Variants in RSRC1 observed in about 807,000 individuals in gnomAD.
The protein encoded by RSRC1 is arginine and serine rich coiled-coil 1, also known as serine/Arginine-related protein 53.
In RSRC1, 39 loss-of-function variants were observed where a neutral mutation model predicts 49.1. That is an observed-to-expected ratio of 0.79 (90% CI 0.61 to 1.04). The LOEUF is 1.04. Among genes scored for constraint, RSRC1 ranks in the 50% least tolerant of loss-of-function variants. The pLI, the probability that RSRC1 is intolerant of heterozygous loss-of-function variation, is 0.00. For missense variants in RSRC1, 388 were observed against 402.4 expected, an observed-to-expected ratio of 0.96 and a Z score of 0.31; for synonymous variants, 143 against 130.8, an observed-to-expected ratio of 1.09 and a Z score of -0.63.
At chr3:158,245,521 G>A (rs2108002335) in intron 4 of RSRC1, among the ~76,000 whole-genome samples, 1 of 152,260 alleles carries the variant, frequency 6.6e-6, no homozygotes, top group African/African-American at 2.4e-5. Flanking sequence ...GAGTTCTATG[G>A]ATACCTATCA....
intron 3 of RSRC1, chr3:158,132,172 G>A (rs766120455): frequency 7.0e-5 from 31 of 443,150 alleles, no homozygotes; most frequent in South Asian, 4.8e-4. Flanking sequence ...TTTTGGCGGA[G>A]ATGGGGTTTC....
chr3:158,406,866 T>C (rs2108315890), intron 6 of RSRC1, among the ~76,000 whole-genome samples: 1 of 152,230 alleles, frequency 6.6e-6, no homozygotes, highest in East Asian at 1.9e-4. Context: ...TCAGCAGTGA[T>C]GTAATTAAAG....
chr3:158,227,445 C>T (rs533548443), intron 4 of RSRC1, among the ~76,000 whole-genome samples: 8 of 151,752 alleles, frequency 5.3e-5, no homozygotes, highest in Non-Finnish European at 1.0e-4. Flanking sequence ...CTCTCTTTTC[C>T]TCCATCTTTG....
chr3:158,118,751 A>G lies in RSRC1; in HGVS notation c.-2-3352A>G, dbSNP rs148232629. 7.8e-4 allele frequency among the ~76,000 whole-genome samples: 119 copies of G among 152,346 alleles called. No individual in the cohort carries two copies. The East Asian group carries it at 0.021, about 27-fold the overall frequency. On this transcript the variant is annotated intron_variant, in intron 1 of 9. Coordinates refer to ENST00000611884, the MANE Select transcript of RSRC1 (RefSeq NM_001271838.2). ...AAAAGTTAACAGAAAAAATGTTTAC[A>G]GAAAAATGTTATAAATACAGTTGTA...
intron 7 of RSRC1, 103 bp from the exon 8 acceptor site, chr3:158,536,989 C>A (rs1355378510): frequency 4.2e-6 from 3 of 711,996 alleles, no homozygotes; most frequent in Non-Finnish European, 4.9e-6. Context: ...TTTATAATGT[C>A]TTTTTATCCA....
intron 5 of RSRC1, chr3:158,336,566 T>A (rs565756015): frequency 6.6e-6 from 1 of 152,578 alleles, no homozygotes; most frequent in South Asian, 2.1e-4. Context: ...TTCATTACCC[T>A]GGGATGTTCA....
At chr3:158,438,421 A>C (rs866438667) in intron 6 of RSRC1, among the ~76,000 whole-genome samples, 13 of 152,164 alleles carry the variant, frequency 8.5e-5, no homozygotes, top group Middle Eastern at 3.4e-3. Flanking sequence ...TCAAACTATA[A>C]TACAAGGCTA....
intron 7 of RSRC1, among the ~76,000 whole-genome samples, chr3:158,522,910 C>G (rs879767866): frequency 6.6e-6 from 1 of 152,066 alleles, no homozygotes; most frequent in Non-Finnish European, 1.5e-5. Context: ...AGCCTACACT[C>G]ATTGACCAAA....
chr3:158,471,144 G>A (rs2108421252), intron 7 of RSRC1, among the ~76,000 whole-genome samples: 1 of 152,330 alleles, frequency 6.6e-6, no homozygotes, highest in Non-Finnish European at 1.5e-5. Context: ...TTTGCCTTCT[G>A]AGTCAAGGGC....
At chr3:158,409,027 C>T (rs539190490) in intron 6 of RSRC1, among the ~76,000 whole-genome samples, 9 of 151,652 alleles carry the variant, frequency 5.9e-5, no homozygotes, top group South Asian at 2.1e-4. Flanking sequence ...GACAAGATTC[C>T]GTCTGAATAA....
At chr3:158,466,255 T>C (rs1737885736) in intron 7 of RSRC1, among the ~76,000 whole-genome samples, 1 of 152,216 alleles carries the variant, frequency 6.6e-6, no homozygotes, top group South Asian at 2.1e-4. Context: ...CTATACTCTT[T>C]ATGGAATTGG....
intron 8 of RSRC1, among the ~76,000 whole-genome samples, chr3:158,540,601 T>G (rs1712980973): frequency 6.6e-6 from 1 of 152,126 alleles, no homozygotes; most frequent in South Asian, 2.1e-4. Context: ...TGGATCTTGA[T>G]ATCATCATCC....
At chr3:158,365,800 C>T (rs977299101) in intron 6 of RSRC1, among the ~76,000 whole-genome samples, 1 of 152,196 alleles carries the variant, frequency 6.6e-6, no homozygotes, top group African/African-American at 2.4e-5. Context: ...CACATCCTCT[C>T]CAGCATCTGT....
intron 3 of RSRC1, among the ~76,000 whole-genome samples, chr3:158,148,675 G>T (rs1462595611): frequency 6.7e-6 from 1 of 149,496 alleles, no homozygotes; most frequent in Non-Finnish European, 1.5e-5. Flanking sequence ...GCTGAGGGAA[G>T]AGTTAAGAAA....
chr3:158,537,187 G>A lies in RSRC1; in HGVS notation c.748G>A (p.Glu250Lys). Reference protein sequence around the residue: ...FVQQTFRSSKEVKKSVEPSEV... With the variant: ...FVQQTFRSSKKVKKSVEPSEV... ...TCAGCAGACATTCAGATCAAGTAAA[G>A]AAGTCAAAAAGGTAAGTTTTTATCC... Residue 250 changes from glutamate (E) to lysine (K), a missense_variant, in exon 8 of 10, where the codon GAA (glutamate) becomes AAA (lysine). Physicochemically the swap from Glu to Lys is moderately conservative, Grantham distance 56. Transcript: ENST00000611884. The A allele has an allele frequency of 6.3e-7, 1 of 1,579,964 alleles. No individual in the cohort carries two copies. Among genetic ancestry groups the A allele is most frequent in the Admixed American group, 1.9e-5 (1 of 53,262 alleles).
At chr3:158,323,971 C>T (rs1728916635) in intron 5 of RSRC1, among the ~76,000 whole-genome samples, 1 of 152,032 alleles carries the variant, frequency 6.6e-6, no homozygotes, top group Non-Finnish European at 1.5e-5. Context: ...AGAGAATCAA[C>T]AGTATGATCT....
chr3:158,300,313 G>A (rs555775900), intron 5 of RSRC1, among the ~76,000 whole-genome samples: 4 of 152,254 alleles, frequency 2.6e-5, no homozygotes, highest in African/African-American at 9.6e-5. Flanking sequence ...CCCACTAACT[G>A]TGAACTATTA....
intron 4 of RSRC1, among the ~76,000 whole-genome samples, chr3:158,229,370 ATATGTGTATG>A (rs1559952719): frequency 1.9e-5 from 2 of 107,424 alleles, no homozygotes; most frequent in Non-Finnish European, 4.3e-5. Context: ...ATACACACGT[ATATGTGTATG>A]TATGTGTATA....
At chr3:158,405,225 T>G (rs1035126834) in intron 6 of RSRC1, among the ~76,000 whole-genome samples, 1 of 152,042 alleles carries the variant, frequency 6.6e-6, no homozygotes, top group African/African-American at 2.4e-5. Flanking sequence ...CCAGTGTAAA[T>G]TAATGCAGTT....
Sources: gnomAD v4.1 joint callset for allele counts (sites outside exome capture counted in the v4.1 genomes callset) on GRCh38, gnomAD v4.1.1 for gene constraint, MANE v1.5 for transcripts, NCBI Gene and HGNC (gene_info 2026-07-23, HGNC 2026-07-21) for gene names.